Variants in KCNMA1 observed in about 807,000 individuals in gnomAD.
The protein encoded by KCNMA1 is potassium calcium-activated channel subfamily M alpha 1.
Under a neutral mutation model 140.0 loss-of-function variants are expected in KCNMA1, and 29 were observed. That is an observed-to-expected ratio of 0.21 (90% confidence interval 0.15 to 0.28). KCNMA1 has a LOEUF of 0.28. Ranked by LOEUF, KCNMA1 falls within the 10% of genes least tolerant of loss-of-function variation. KCNMA1 has a pLI of 1.00. For missense variants in KCNMA1, 880 were observed against 1,602.2 expected (o/e 0.55, Z 7.70); for synonymous variants, 612 against 611.9 (o/e 1.00, Z 0.00).
intron 1 of KCNMA1, among the ~76,000 whole-genome samples, chr10:77,514,632 C>A (rs1271178138): frequency 6.6e-6 from 1 of 152,174 alleles, no homozygotes; most frequent in Non-Finnish European, 1.5e-5. Context: ...GAGAGAGAAC[C>A]ATCTCAGACA....
chr10:77,606,034 C>T (rs894279798), intron 1 of KCNMA1, among the ~76,000 whole-genome samples: 51 of 152,314 alleles, frequency 3.3e-4, no homozygotes, highest in African/African-American at 1.1e-3. Context: ...ACTATACCCA[C>T]ACACTACCAT....
chr10:76,942,999 T>C (rs897250225), intron 23 of KCNMA1, among the ~76,000 whole-genome samples: 2 of 152,184 alleles, frequency 1.3e-5, no homozygotes, highest in African/African-American at 4.8e-5. Flanking sequence ...AGGTCTGGGA[T>C]GGCCCATGAG....
chr10:77,084,667 G>C lies in KCNMA1; in HGVS notation c.1493C>G (p.Pro498Arg). Residue 498 changes from proline to arginine, a missense_variant, in exon 12 of 28, where the codon CCG becomes CGG. Physicochemically the swap from Pro to Arg is moderately radical, Grantham distance 103 (BLOSUM62 -2). Around this residue, in one of 13 missense-constraint regions of KCNMA1, gnomAD observed 198 missense variants for 580.1 expected, o/e 0.34. Coordinates refer to ENST00000286628, the MANE Select transcript of KCNMA1 (RefSeq NM_001161352.2). ...GATATTCGAGGCATCCTCCGCATCC[G>C]GGTCAGCGCAGTACTTGTTGGCAAG... ...LILANKYCAD[P>R]DAEDASNIMR... 1 of 1,614,122 alleles carries C rather than the reference G, an allele frequency of 6.2e-7. No homozygotes were observed. Among genetic ancestry groups the C allele is most frequent in the Non-Finnish European group, 8.5e-7 (1 of 1,179,996 alleles).
At chr10:77,235,206 A>C (rs1002466880) in intron 3 of KCNMA1, among the ~76,000 whole-genome samples, 8 of 152,184 alleles carry the variant, frequency 5.3e-5, no homozygotes, top group African/African-American at 1.9e-4. Flanking sequence ...CTGAAATCCA[A>C]GTTAATTTGA....
chr10:77,538,372 G>A (rs368028970), intron 1 of KCNMA1, among the ~76,000 whole-genome samples: 1 of 152,146 alleles, frequency 6.6e-6, no homozygotes, highest in African/African-American at 2.4e-5. Context: ...ATCCACTGTG[G>A]TCTCGTGGGC....
At chr10:77,200,653 A>C (rs1457933590) in intron 3 of KCNMA1, among the ~76,000 whole-genome samples, 7 of 151,208 alleles carry the variant, frequency 4.6e-5, no homozygotes, top group East Asian at 1.9e-4. Flanking sequence ...AAAAAAAAAA[A>C]CCCACCCTAG....
At chr10:77,202,807 T>C (rs2042884663) in intron 3 of KCNMA1, among the ~76,000 whole-genome samples, 1 of 152,206 alleles carries the variant, frequency 6.6e-6, no homozygotes, top group African/African-American at 2.4e-5. Context: ...TGGGCAATTA[T>C]ATTGGAAGTA....
chr10:77,556,923 C>G (rs912339228), intron 1 of KCNMA1, among the ~76,000 whole-genome samples: 8 of 126,260 alleles, frequency 6.3e-5, no homozygotes, highest in Middle Eastern at 3.4e-3. Context: ...CTCCTAGGAC[C>G]CCTGCCAGGG....
chr10:77,496,575 TGACAGAGCGA>T (rs2042002122), intron 1 of KCNMA1, among the ~76,000 whole-genome samples: 1 of 121,126 alleles, frequency 8.3e-6, no homozygotes, highest in Non-Finnish European at 1.6e-5. Context: ...GCAGCCTGGG[TGACAGAGCGA>T]GACACTGTCT....
chr10:77,068,698 T>TGTGTGTGTGTG (rs139450755), intron 14 of KCNMA1, among the ~76,000 whole-genome samples: 1 of 132,576 alleles, frequency 7.5e-6, no homozygotes, highest in East Asian at 2.4e-4. Flanking sequence ...GTTCCAGGTT[T>TGTGTGTGTGTG]TGTGTGTGTG....
At chr10:77,526,727 T>A (rs944811451) in intron 1 of KCNMA1, among the ~76,000 whole-genome samples, 3 of 152,166 alleles carry the variant, frequency 2.0e-5, no homozygotes, top group African/African-American at 7.2e-5. Context: ...TGTTATTCAT[T>A]TTTTTCTACC....
chr10:77,123,179 C>CAAA (rs61374890), intron 5 of KCNMA1, among the ~76,000 whole-genome samples: 745 of 59,642 alleles, frequency 0.012, 153 homozygotes, highest in Non-Finnish European at 0.013. Context: ...GACTCCGTCT[C>CAAA]AAAAAAAAAA....
At chr10:77,486,674 C>G (rs2154536544) in intron 1 of KCNMA1, among the ~76,000 whole-genome samples, 1 of 152,346 alleles carries the variant, frequency 6.6e-6, no homozygotes, top group African/African-American at 2.4e-5. Flanking sequence ...CTGCTTCTAT[C>G]TGTCACTCCT....
chr10:77,448,821 G>C (rs1344232708), intron 1 of KCNMA1, among the ~76,000 whole-genome samples: 1 of 152,162 alleles, frequency 6.6e-6, no homozygotes, highest in East Asian at 1.9e-4. Flanking sequence ...CGGGTGCAGT[G>C]CTCATGCCTG....
chr10:76,936,852 C>A lies in KCNMA1; in HGVS notation c.2902+7921G>T, dbSNP rs181648712. 3.0e-3 allele frequency among the ~76,000 whole-genome samples: 464 copies of A among 152,222 alleles called. 2 individuals carry two copies. The highest frequency in any genetic ancestry group is 0.011 in the African/African-American group (441 of 41,522). The stretch of plus-strand genomic sequence containing the variant: ...GCTGCTCACCCCAATGCCGTCCGCT[C>A]CCCATCTTTGAACACAAAGACAGTG... On this transcript the variant is annotated intron_variant, in intron 23 of 27. Coordinates refer to ENST00000286628, the MANE Select transcript of KCNMA1 (RefSeq NM_001161352.2).
intron 3 of KCNMA1, among the ~76,000 whole-genome samples, chr10:77,239,036 G>C (rs1027130507): frequency 1.3e-5 from 2 of 152,116 alleles, no homozygotes; most frequent in African/African-American, 4.8e-5. Context: ...CACCCTCCTT[G>C]TCTACTCCTC....
At chr10:77,366,675 T>A (rs559146847) in intron 2 of KCNMA1, among the ~76,000 whole-genome samples, 1 of 152,230 alleles carries the variant, frequency 6.6e-6, no homozygotes, top group East Asian at 1.9e-4. Context: ...GATATGATGG[T>A]GGTGGTGATG....
chr10:77,470,438 T>C (rs2098125448), intron 1 of KCNMA1, among the ~76,000 whole-genome samples: 1 of 151,980 alleles, frequency 6.6e-6, no homozygotes, highest in Admixed American at 6.6e-5. Flanking sequence ...CATCCAGAAA[T>C]GTAAACCAAA....
chr10:76,915,271 A>T (rs145728835), intron 23 of KCNMA1, among the ~76,000 whole-genome samples: 1 of 152,162 alleles, frequency 6.6e-6, no homozygotes, highest in African/African-American at 2.4e-5. Context: ...TTCCCTAAAA[A>T]ATCCAGACTT....
Sources: allele counts gnomAD v4.1 joint callset (sites outside exome capture counted in the v4.1 genomes callset), GRCh38; gene constraint gnomAD v4.1.1; regional missense constraint gnomAD v4.1.1; transcripts MANE v1.5; gene names NCBI Gene and HGNC (gene_info 2026-07-23, HGNC 2026-07-21).